STAT5B: variants seen among roughly 807,000 people sequenced by gnomAD.
The protein encoded by STAT5B is signal transducer and activator of transcription 5B, also known as transcription factor STAT5B.
STAT5B carries 21 observed loss-of-function variants against 107.8 expected under a neutral mutation model. The observed-to-expected ratio is 0.19, with a 90% CI of 0.14 to 0.28. The LOEUF is 0.28. STAT5B is among the 10% of genes least tolerant of loss of function. STAT5B has a pLI of 1.00. For synonymous variants in STAT5B, 325 were observed against 401.7 expected (o/e 0.81, Z 2.28); for missense variants, 565 against 1,008.2 (o/e 0.56, Z 5.95).
At chr17:42,244,053 C>T (rs2080429220) in intron 1 of STAT5B, among the ~76,000 whole-genome samples, 2 of 151,716 alleles carry the variant, frequency 1.3e-5, no homozygotes, top group Non-Finnish European at 2.9e-5. Flanking sequence ...GCCATGTAGT[C>T]CTATCTTACC....
chr17:42,212,030 A>T lies in STAT5B; in HGVS notation c.1634T>A (p.Leu545Gln). ...CACAGACAGGCCACTGTAGTCCTCC[A>T]GGTGGCTGCTGCTGTTGTTGAACAG... is the stretch of plus-strand genomic sequence containing the variant. ...QKLFNNSSSH[L>Q]EDYSGLSVSW... is the part of the protein sequence containing the mutation. The change falls in exon 13 of 19, where the codon CTG (leucine) becomes CAG (glutamine). Residue 545 changes from leucine (L) to glutamine (Q), a missense_variant. Around this residue, in one of 11 missense-constraint regions of STAT5B, gnomAD observed 127 missense variants for 215.8 expected, o/e 0.59. Coordinates refer to ENST00000293328, the MANE Select transcript of STAT5B (RefSeq NM_012448.4). 6.2e-7 allele frequency: 1 copy of T among 1,614,002 alleles called. No individual in the cohort carries two copies. Among genetic ancestry groups the T allele is most frequent in the Non-Finnish European group, 8.5e-7 (1 of 1,179,932 alleles).
At chr17:42,207,023 C>T (rs1048621315) in intron 16 of STAT5B, among the ~76,000 whole-genome samples, 4 of 151,788 alleles carry the variant, frequency 2.6e-5, no homozygotes, top group Non-Finnish European at 4.4e-5. Flanking sequence ...ATTACAAGTG[C>T]CTGCCACCAC....
intron 3 of STAT5B, 78 bp from the exon 4 acceptor site, chr17:42,224,946 C>G (rs1292192596): frequency 3.5e-6 from 5 of 1,434,860 alleles, no homozygotes; most frequent in Non-Finnish European, 4.9e-6. Context: ...GATGGGGAGC[C>G]TCCTGAGGGA....
chr17:42,203,673 C>T (rs1411779229), intron 16 of STAT5B, among the ~76,000 whole-genome samples: 1 of 152,126 alleles, frequency 6.6e-6, no homozygotes, highest in Non-Finnish European at 1.5e-5. Flanking sequence ...GTTGCCCACA[C>T]TGGAGTGCAG....
At chr17:42,274,294 A>C (rs1250369495) in intron 1 of STAT5B, among the ~76,000 whole-genome samples, 1 of 151,260 alleles carries the variant, frequency 6.6e-6, no homozygotes, top group Non-Finnish European at 1.5e-5. Context: ...AAAAAAAAAA[A>C]AAAAAAAAAA....
chr17:42,223,243 T>C, intron 5 of STAT5B, 139 bp downstream of exon 5: 1 of 1,293,520 alleles, frequency 7.7e-7, no homozygotes, highest in Non-Finnish European at 1.1e-6. Flanking sequence ...CTGTCTTCAA[T>C]GCAAATAAGT....
At chr17:42,287,804 G>C in the STAT5B span, 1 of 152,260 alleles carries the variant, frequency 6.6e-6, no homozygotes, top group Admixed American at 6.5e-5. Context: ...ATTGTGGAGA[G>C]GGGGAGGGCT....
At chr17:42,224,573 C>T (rs911114679) in intron 4 of STAT5B, among the ~76,000 whole-genome samples, 2 of 152,026 alleles carry the variant, frequency 1.3e-5, no homozygotes, top group Non-Finnish European at 2.9e-5. Flanking sequence ...AACTCCTGGG[C>T]TCAGGCAATC....
intron 1 of STAT5B, among the ~76,000 whole-genome samples, chr17:42,236,510 C>T (rs1000556239): frequency 1.3e-5 from 2 of 152,178 alleles, no homozygotes; most frequent in South Asian, 2.1e-4. Context: ...GGCATGATCT[C>T]GGCTCACTGC....
intron 12 of STAT5B, among the ~76,000 whole-genome samples, chr17:42,215,685 C>A (rs1300476238): frequency 6.6e-6 from 1 of 152,110 alleles, no homozygotes; most frequent in Non-Finnish European, 1.5e-5. Context: ...GTGGTGCGAT[C>A]TCGGCTCACT....
At position 42,201,632 on chromosome 17, in the gene STAT5B, A is replaced by G. The variant is rs1005471865; in HGVS notation, c.*106T>C. The G allele has an allele frequency of 2.3e-6, 2 of 857,806 alleles. No homozygotes were observed. Among genetic ancestry groups the G allele is most frequent in the Non-Finnish European group, 4.0e-6 (2 of 499,706 alleles). 53.1% of individuals were successfully genotyped at this position (857,806 alleles called of 1,614,324 possible). A position where few individuals can be genotyped will look rare whatever the true frequency, so the allele number is the denominator to read the frequency against. On this transcript the variant is annotated 3_prime_UTR_variant, in exon 19 of 19. Transcript: ENST00000293328. Reference sequence around the variant, plus strand: ...GTCACAACTAGTATTAACACTTCACATTATGAGTATTGTTTCAAAAGAGAA... The same window carrying G: ...GTCACAACTAGTATTAACACTTCACGTTATGAGTATTGTTTCAAAAGAGAA...
At chr17:42,214,852 C>T (rs747598569) in intron 12 of STAT5B, among the ~76,000 whole-genome samples, 3 of 152,056 alleles carry the variant, frequency 2.0e-5, no homozygotes, top group African/African-American at 4.8e-5. Context: ...TGGGCTCAGG[C>T]GATCCTCCCG....
chr17:42,260,727 AATG>A (rs536015413), intron 1 of STAT5B, among the ~76,000 whole-genome samples: 5 of 152,078 alleles, frequency 3.3e-5, no homozygotes, highest in South Asian at 2.1e-4. Flanking sequence ...CAAATGTTGA[AATG>A]ATAATTTTTA....
intron 2 of STAT5B, among the ~76,000 whole-genome samples, chr17:42,230,724 G>A (rs993455950): frequency 6.6e-6 from 1 of 151,766 alleles, no homozygotes; most frequent in African/African-American, 2.4e-5. Context: ...GCAGTAGTGC[G>A]ATCTCGGCTC....
chr17:42,200,925 C>G lies in STAT5B; in HGVS notation c.*813G>C, dbSNP rs1240273387. On this transcript the variant is annotated 3_prime_UTR_variant, in exon 19 of 19. Coordinates refer to ENST00000293328, the MANE Select transcript of STAT5B (RefSeq NM_012448.4). ...TGCGCACTCCACTCTGGCCAGAACA[C>G]AAACGGCATTGGCACTGTAAGCTCT... 12 of 396,928 alleles carry G rather than the reference C, an allele frequency of 3.0e-5. No individual in the cohort carries two copies. In the South Asian group the frequency reaches 4.3e-4, roughly 14 times the overall value. 24.6% of individuals were successfully genotyped at this position (396,928 alleles called of 1,614,324 possible).
rs569760595 is a variant in STAT5B at position 42,211,585 on chromosome 17, G to C, written c.1680+399C>G. Among the ~76,000 whole-genome samples the C allele has an allele frequency of 3.3e-5, 5 of 152,254 alleles. No homozygotes were observed. In the South Asian group the frequency reaches 1.0e-3, roughly 32 times the overall value. On this transcript the variant is annotated intron_variant, in intron 13 of 18. Transcript: ENST00000293328. ...GCTAGAGGAGGAGTTTCTTTCATCAGCATCCCTCTTTGTGGGTTGAGGGTC... is the reference window on the plus strand; with the variant it reads ...GCTAGAGGAGGAGTTTCTTTCATCACCATCCCTCTTTGTGGGTTGAGGGTC...
upstream of STAT5B, chr17:42,276,687 C>G (rs572904468): frequency 3.3e-5 from 5 of 152,202 alleles, no homozygotes; most frequent in African/African-American, 1.2e-4. The surrounding 1 kb of genome is among the most constrained non-coding windows in gnomAD (Gnocchi z 4.8). Context: ...CGCCGCACCG[C>G]AAGCACATGC....
chr17:42,265,541 C>T (rs540593464), intron 1 of STAT5B, among the ~76,000 whole-genome samples: 8 of 151,550 alleles, frequency 5.3e-5, no homozygotes, highest in South Asian at 2.1e-4. Flanking sequence ...TTAGTAGAGA[C>T]GGGGTTTCAC....
intron 13 of STAT5B, 129 bp from the exon 14 acceptor site, chr17:42,210,626 G>C (rs142538226): frequency 1.1e-6 from 1 of 879,684 alleles, no homozygotes; most frequent in African/African-American, 1.7e-5. Context: ...AAATATCCCC[G>C]CCTACCTGAG....
Sources: gnomAD v4.1 joint callset for allele counts (sites outside exome capture counted in the v4.1 genomes callset) on GRCh38, gnomAD v4.1.1 for gene constraint, gnomAD v4.1.1 regional missense constraint, Gnocchi (gnomAD v3.1) non-coding constraint, MANE v1.5 for transcripts, NCBI Gene and HGNC (gene_info 2026-07-23, HGNC 2026-07-21) for gene names.